Variants in TMEM128 observed in about 807,000 individuals in gnomAD.
The protein encoded by TMEM128 is transmembrane protein 128.
A neutral mutation model predicts 19.7 loss-of-function variants in TMEM128; 16 were observed. That is an observed-to-expected ratio of 0.81 (90% CI 0.55 to 1.23). The LOEUF (loss-of-function observed/expected upper bound fraction) is 1.23. Among genes scored for constraint, TMEM128 ranks in the 50% most tolerant of loss-of-function variants. TMEM128 has a pLI of 0.00. For synonymous variants in TMEM128, 98 were observed against 75.8 expected, an observed-to-expected ratio of 1.29 and a Z score of -1.52; for missense variants, 237 against 200.8, an observed-to-expected ratio of 1.18 and a Z score of -1.09.
chr4:4,241,425 C>T (rs896129676), intron 2 of TMEM128, among the ~76,000 whole-genome samples: 1 of 152,218 alleles, frequency 6.6e-6, no homozygotes, highest in Non-Finnish European at 1.5e-5. Flanking sequence ...CCCTCCACCC[C>T]AGCTGGACTT....
chr4:4,242,303 G>C (rs1717990527), intron 2 of TMEM128, among the ~76,000 whole-genome samples: 1 of 151,974 alleles, frequency 6.6e-6, no homozygotes, highest in Non-Finnish European at 1.5e-5. Context: ...ATCTCACTGG[G>C]GGGAGTATCG....
At chr4:4,245,177 C>G (rs1401441384) in intron 2 of TMEM128, among the ~76,000 whole-genome samples, 1 of 152,176 alleles carries the variant, frequency 6.6e-6, no homozygotes, top group African/African-American at 2.4e-5. Flanking sequence ...CACCAACATA[C>G]CTCTCCCTTC....
rs139593513 is a variant in TMEM128 at position 4,240,806 on chromosome 4, A to C, written c.240-327T>G. Reference sequence around the variant, plus strand: ...AAAATACAAGGAAGAGGCCGGGCGCAGTGGCTCATGCCTATAATCCCAACA... The same window carrying C: ...AAAATACAAGGAAGAGGCCGGGCGCCGTGGCTCATGCCTATAATCCCAACA... On this transcript the variant is annotated intron_variant, in intron 2 of 4. Coordinates refer to ENST00000382753, the MANE Select transcript of TMEM128 (RefSeq NM_001297551.2). Among the ~76,000 whole-genome samples the C allele has an allele frequency of 7.8e-4, 119 of 152,348 alleles. 1 individual carries two copies. In the East Asian group the frequency reaches 0.02, roughly 26 times the overall value.
chr4:4,245,742 T>C (rs12502305), intron 2 of TMEM128, among the ~76,000 whole-genome samples: 24,934 of 152,086 alleles, frequency 0.16, 2,115 homozygotes, highest in East Asian at 0.28. Context: ...GTATACAGTG[T>C]GATGACTTGA....
intron 2 of TMEM128, among the ~76,000 whole-genome samples, chr4:4,245,204 G>A (rs1338675206): frequency 1.3e-5 from 2 of 152,008 alleles, no homozygotes; most frequent in Non-Finnish European, 2.9e-5. Flanking sequence ...TTATCCAAGG[G>A]TCTCCACATC....
At chr4:4,247,476 A>G in intron 1 of TMEM128, 1 of 1,315,156 alleles carries the variant, frequency 7.6e-7, no homozygotes, top group Non-Finnish European at 1.1e-6. Context: ...AAAATATCCA[A>G]AATGAAGTAT....
At position 4,242,924 on chromosome 4, in the gene TMEM128, A is replaced by C. The variant is rs145228323; in HGVS notation, c.240-2445T>G. Among the ~76,000 whole-genome samples the C allele has an allele frequency of 5.4e-3, 821 of 152,222 alleles. 9 individuals carry two copies. The highest frequency in any genetic ancestry group is 0.019 in the African/African-American group (801 of 41,530). On this transcript the variant is annotated intron_variant, in intron 2 of 4. Transcript: ENST00000382753. ...ACCTTGCACCTTTCTAAGAGAAACT[A>C]CCTAGTCCCCAGTTTCCAAAATTCT... is the stretch of plus-strand genomic sequence containing the variant.
In TMEM128 at chr4:4,235,873, C is replaced by A. The variant is rs73082020; in HGVS notation, c.*393G>T. On this transcript the variant is annotated 3_prime_UTR_variant, in exon 5 of 5. Transcript: ENST00000382753. ...ATATTAACAGTGCACTATGTACCTA[C>A]AATGAAACCACTTTCTCCAAAGACT... 6.6e-6 allele frequency: 1 copy of A among 152,504 alleles called. No homozygotes were observed. The highest frequency in any genetic ancestry group is 1.5e-5 in the Non-Finnish European group (1 of 68,020). 9.4% of individuals were successfully genotyped at this position (152,504 alleles called of 1,614,324 possible).
intron 3 of TMEM128, among the ~76,000 whole-genome samples, chr4:4,239,567 C>T (rs1717861043): frequency 6.6e-6 from 1 of 152,280 alleles, no homozygotes; most frequent in South Asian, 2.1e-4. Flanking sequence ...TCTCTACACC[C>T]AACAGAAATG....
chr4:4,246,454 G>A (rs934073507), intron 1 of TMEM128, 111 bp from the exon 2 acceptor site: 42 of 1,114,610 alleles, frequency 3.8e-5, no homozygotes, highest in Non-Finnish European at 2.1e-5. Context: ...TCTCTCCCAT[G>A]ATAACAAATC....
At chr4:4,247,495 C>A in intron 1 of TMEM128, 4 of 1,464,852 alleles carry the variant, frequency 2.7e-6, no homozygotes, top group South Asian at 1.2e-5. Flanking sequence ...ATCTGTCTCC[C>A]ATCCTTAACC....
intron 2 of TMEM128, among the ~76,000 whole-genome samples, chr4:4,243,922 C>T (rs17698864): frequency 0.31 from 47,027 of 152,024 alleles, 7,894 homozygotes; most frequent in East Asian, 0.46. Context: ...CTCACATCTC[C>T]TAAAACCTCA....
At chr4:4,246,557 T>C (rs1718182736) in intron 1 of TMEM128, among the ~76,000 whole-genome samples, 1 of 152,214 alleles carries the variant, frequency 6.6e-6, no homozygotes, top group African/African-American at 2.4e-5. Context: ...TTCCTCTAAA[T>C]ACATTGTGAA....
At chr4:4,238,070 A>C (rs1198202896) in intron 3 of TMEM128, 135 bp from the exon 4 acceptor site, 2 of 538,516 alleles carry the variant, frequency 3.7e-6, no homozygotes, top group East Asian at 3.4e-5. Context: ...CATATTTCTC[A>C]AGTATGTGAC....
At chr4:4,247,565 C>G (rs761360497) in intron 1 of TMEM128, 16 of 1,613,886 alleles carry the variant, frequency 9.9e-6, no homozygotes, top group Admixed American at 1.7e-5. Context: ...CTTCCATATT[C>G]TATGCATTCA....
chr4:4,244,527 T>C (rs1251409801), intron 2 of TMEM128, among the ~76,000 whole-genome samples: 1 of 152,108 alleles, frequency 6.6e-6, no homozygotes, highest in African/African-American at 2.4e-5. Context: ...CCAGCCCAAG[T>C]TCTAAGAGAG....
At chr4:4,240,298 T>TA in intron 3 of TMEM128, 23 bp downstream of exon 3, 1 of 1,612,302 alleles carries the variant, frequency 6.2e-7, no homozygotes, top group African/African-American at 1.3e-5. Flanking sequence ...TCATTCCTGT[T>TA]AGTCATTTCA....
intron 2 of TMEM128, among the ~76,000 whole-genome samples, chr4:4,241,675 G>A (rs1047577121): frequency 6.6e-6 from 1 of 152,202 alleles, no homozygotes; most frequent in African/African-American, 2.4e-5. Flanking sequence ...GTAGAGGGAA[G>A]GGGTTAAGAG....
At chr4:4,243,834 T>C (rs2980104) in intron 2 of TMEM128, among the ~76,000 whole-genome samples, 14,204 of 152,178 alleles carry the variant, frequency 0.093, 1,629 homozygotes, top group African/African-American at 0.25. Context: ...AAATATCTTA[T>C]GTGTGATCAT....
Sources: gnomAD v4.1 joint callset for allele counts (sites outside exome capture counted in the v4.1 genomes callset) on GRCh38, gnomAD v4.1.1 for gene constraint, MANE v1.5 for transcripts, NCBI Gene and HGNC (gene_info 2026-07-23, HGNC 2026-07-21) for gene names.